The following IL1RAPL2 variants were observed in gnomAD, a reference collection of about 807,000 sequenced individuals.
IL1RAPL2 encodes the protein interleukin 1 receptor accessory protein like 2.
Under a neutral mutation model 44.1 loss-of-function variants are expected in IL1RAPL2, and 3 were observed. The observed-to-expected ratio is 0.07, with a 90% CI of 0.03 to 0.18. The LOEUF (loss-of-function observed/expected upper bound fraction) is 0.18. IL1RAPL2 is among the 10% of genes least tolerant of loss of function. IL1RAPL2 has a pLI of 1.00. For synonymous variants in IL1RAPL2, 181 were observed against 178.8 expected (o/e 1.01, Z -0.10); for missense variants, 391 against 496.4 (o/e 0.79, Z 2.02).
In IL1RAPL2 at chrX:104,962,062, C is replaced by T. The variant is rs779069964; in HGVS notation, c.83-233413C>T. ...GTAGGAACTCAGGAACAGTTTCAGG[C>T]CTTCACAGGCTAAAATGTTTCCAAG... On this transcript the variant is annotated intron_variant, in intron 2 of 10. Coordinates refer to ENST00000372582, the MANE Select transcript of IL1RAPL2 (RefSeq NM_017416.2). 7.2e-5 allele frequency among the ~76,000 whole-genome samples: 8 copies of T among 111,098 alleles called. No homozygotes were observed. The South Asian group carries it at 3.0e-3, about 41-fold the overall frequency.
intron 4 of IL1RAPL2, among the ~76,000 whole-genome samples, chrX:105,234,821 A>AAG (rs370020689): frequency 0.16 from 16,959 of 106,468 alleles, 3,806 homozygotes; most frequent in African/African-American, 0.58. Context: ...AAAAAAAAAA[A>AAG]AAGAAGAGAG....
chrX:104,889,622 T>C (rs748888603), intron 2 of IL1RAPL2, among the ~76,000 whole-genome samples: 12 of 111,276 alleles, frequency 1.1e-4, no homozygotes, highest in Non-Finnish European at 1.9e-4. Context: ...AAGTTAAGTC[T>C]GTCAGCACAG....
intron 6 of IL1RAPL2, among the ~76,000 whole-genome samples, chrX:105,654,160 G>A (rs1050613377): frequency 6.9e-5 from 7 of 101,820 alleles, no homozygotes; most frequent in African/African-American, 3.3e-4. Flanking sequence ...TGAGGTGATG[G>A]CTGAAACTGA....
intron 5 of IL1RAPL2, among the ~76,000 whole-genome samples, chrX:105,280,829 A>C (rs1228725602): frequency 9.0e-6 from 1 of 111,432 alleles, no homozygotes; most frequent in Non-Finnish European, 1.9e-5. Context: ...TCTTGGTGGG[A>C]GTGTAAATTA....
intron 5 of IL1RAPL2, among the ~76,000 whole-genome samples, chrX:105,370,496 A>G (rs2035330047): frequency 9.0e-6 from 1 of 111,470 alleles, no homozygotes; most frequent in Admixed American, 9.6e-5. Context: ...CTTTTCTTGT[A>G]TTAATTTACT....
intron 6 of IL1RAPL2, among the ~76,000 whole-genome samples, chrX:105,625,393 CAGGCTCAGGTGTTT>C (rs2037446091): frequency 8.9e-6 from 1 of 111,809 alleles, no homozygotes; most frequent in African/African-American, 3.2e-5. Context: ...TATTAAAAGA[CAGGCTCAGGTGTTT>C]GGTGGGAGCA....
intron 2 of IL1RAPL2, among the ~76,000 whole-genome samples, chrX:104,767,774 C>A (rs946584926): frequency 2.7e-5 from 3 of 111,403 alleles, no homozygotes; most frequent in African/African-American, 6.5e-5. Context: ...GTGTGAACGC[C>A]AGCAATGGGC....
At chrX:105,445,109 G>A (rs1053828130) in intron 5 of IL1RAPL2, among the ~76,000 whole-genome samples, 1 of 111,067 alleles carries the variant, frequency 9.0e-6, no homozygotes, top group Non-Finnish European at 1.9e-5. Flanking sequence ...TTTCTTCATG[G>A]TTCAATCTTG....
intron 6 of IL1RAPL2, among the ~76,000 whole-genome samples, chrX:105,597,276 T>A (rs1173351778): frequency 9.0e-6 from 1 of 111,729 alleles, no homozygotes; most frequent in African/African-American, 3.3e-5. Context: ...AAATCACGAA[T>A]CATCAGGAAA....
chrX:105,208,406 C>T (rs183359832), intron 3 of IL1RAPL2, among the ~76,000 whole-genome samples: 1 of 111,665 alleles, frequency 9.0e-6, no homozygotes, highest in African/African-American at 3.3e-5. Flanking sequence ...CTGACTAAAG[C>T]GTTGTTAGTC....
intron 6 of IL1RAPL2, among the ~76,000 whole-genome samples, chrX:105,670,144 T>C (rs2037809168): frequency 1.8e-5 from 1 of 55,982 alleles, no homozygotes; most frequent in Admixed American, 1.8e-4. Context: ...TATATATATA[T>C]ATATCTCCAC....
intron 2 of IL1RAPL2, among the ~76,000 whole-genome samples, chrX:105,078,127 A>G (rs923986790): frequency 2.7e-5 from 3 of 111,463 alleles, no homozygotes; most frequent in Non-Finnish European, 5.7e-5. Flanking sequence ...TAGAGTTTCC[A>G]GTTTTTCTGC....
intron 2 of IL1RAPL2, among the ~76,000 whole-genome samples, chrX:105,040,662 T>C (rs1235014685): frequency 9.0e-6 from 1 of 110,725 alleles, no homozygotes; most frequent in Non-Finnish European, 1.9e-5. Flanking sequence ...TTCTAGTTTA[T>C]TTGCGTAGAG....
At chrX:104,973,922 G>A (rs1227842747) in intron 2 of IL1RAPL2, among the ~76,000 whole-genome samples, 2 of 111,684 alleles carry the variant, frequency 1.8e-5, no homozygotes, top group Non-Finnish European at 3.8e-5. Flanking sequence ...TCTGTCAATA[G>A]CATTTTTTAT....
At chrX:105,240,143 T>C (rs1054905129) in intron 4 of IL1RAPL2, among the ~76,000 whole-genome samples, 1 of 112,482 alleles carries the variant, frequency 8.9e-6, no homozygotes, top group Non-Finnish European at 1.9e-5. Context: ...TTTTCATGAG[T>C]CATGGAATGC....
intron 5 of IL1RAPL2, among the ~76,000 whole-genome samples, chrX:105,346,196 T>G (rs1427165937): frequency 2.7e-5 from 3 of 112,062 alleles, no homozygotes; most frequent in Non-Finnish European, 3.8e-5. Context: ...AAACTCTGAT[T>G]GTATTAGGAA....
intron 5 of IL1RAPL2, among the ~76,000 whole-genome samples, chrX:105,279,233 C>A (rs2034509986): frequency 9.0e-6 from 1 of 111,195 alleles, no homozygotes; most frequent in South Asian, 3.7e-4. Flanking sequence ...ATTTGATCAG[C>A]TCAGAATCCT....
rs183855687 is a variant in IL1RAPL2 at position 105,271,443 on chromosome X, C to T, written c.697+3902C>T. Among the ~76,000 whole-genome samples, 14 of 111,266 alleles carry T rather than the reference C, an allele frequency of 1.3e-4. No homozygotes were observed. The East Asian group carries it at 3.7e-3, about 29-fold the overall frequency. ...ATTTTAAAGTTTTTTTCTTTATTCT[C>T]ATGTTGAATTTGTGCGGAGGGTTAA... On this transcript the variant is annotated intron_variant, in intron 5 of 10. Transcript: ENST00000372582.
chrX:105,269,123 C>T (rs2034428104), intron 5 of IL1RAPL2, among the ~76,000 whole-genome samples: 1 of 111,065 alleles, frequency 9.0e-6, no homozygotes, highest in Non-Finnish European at 1.9e-5. Flanking sequence ...CCATCTAATG[C>T]CAACATCAGC....
Sources: gnomAD v4.1 joint callset for allele counts (sites outside exome capture counted in the v4.1 genomes callset) on GRCh38, gnomAD v4.1.1 for gene constraint, MANE v1.5 for transcripts, NCBI Gene and HGNC (gene_info 2026-07-23, HGNC 2026-07-21) for gene names.